Variants in SORCS3 observed in about 807,000 individuals in gnomAD.
The protein encoded by SORCS3 is sortilin related VPS10 domain containing receptor 3.
A neutral mutation model predicts 146.3 loss-of-function variants in SORCS3; 57 were observed. The ratio of observed to expected loss-of-function variants is 0.39; its 90% confidence interval spans 0.31 to 0.49. SORCS3 has a LOEUF of 0.49. Among genes scored for constraint, SORCS3 ranks in the 20% least tolerant of loss-of-function variants. The probability of loss-of-function intolerance (pLI) is 0.92; values close to 1 mark genes in which losing one functional copy is unlikely to be tolerated. For missense variants in SORCS3, 1,341 were observed against 1,575.5 expected (o/e 0.85, Z 2.52); for synonymous variants, 653 against 618.5 (o/e 1.06, Z -0.83).
intron 10 of SORCS3, among the ~76,000 whole-genome samples, chr10:105,158,167 T>C (rs1177561507): frequency 2.0e-5 from 3 of 152,316 alleles, no homozygotes; most frequent in Non-Finnish European, 2.9e-5. Flanking sequence ...ATTTTTTTTT[T>C]CCTCAAACCT....
chr10:104,859,614 C>A (rs545125090), intron 2 of SORCS3, among the ~76,000 whole-genome samples: 50 of 152,232 alleles, frequency 3.3e-4, no homozygotes, highest in African/African-American at 1.2e-3. Flanking sequence ...AAGAAACTAC[C>A]ATCATAGTGA....
intron 5 of SORCS3, among the ~76,000 whole-genome samples, chr10:105,085,390 T>C (rs2055653722): frequency 6.6e-6 from 1 of 152,208 alleles, no homozygotes; most frequent in South Asian, 2.1e-4. Flanking sequence ...ACTATACCTC[T>C]GGCCAGCTGA....
At chr10:104,959,408 T>C (rs1302156207) in intron 3 of SORCS3, among the ~76,000 whole-genome samples, 3 of 152,078 alleles carry the variant, frequency 2.0e-5, no homozygotes, top group Non-Finnish European at 2.9e-5. Flanking sequence ...CAGAGAACTC[T>C]CTCTCCTCAT....
chr10:104,996,807 T>C (rs533210395), intron 4 of SORCS3, among the ~76,000 whole-genome samples: 77 of 152,048 alleles, frequency 5.1e-4, no homozygotes, highest in Non-Finnish European at 3.2e-4. Flanking sequence ...TAAGACTTAA[T>C]AATAGAAAAA....
At chr10:104,653,766 A>G (rs1019928702) in intron 1 of SORCS3, among the ~76,000 whole-genome samples, 1 of 152,150 alleles carries the variant, frequency 6.6e-6, no homozygotes, top group Non-Finnish European at 1.5e-5. Context: ...GGAAGATGGG[A>G]TATCTATCCA....
intron 2 of SORCS3, among the ~76,000 whole-genome samples, chr10:104,844,547 G>C (rs1276372554): frequency 6.6e-6 from 1 of 152,150 alleles, no homozygotes; most frequent in East Asian, 1.9e-4. Context: ...TGTACCAAGA[G>C]ACACTATATA....
At chr10:104,687,436 T>G (rs959168775) in intron 1 of SORCS3, among the ~76,000 whole-genome samples, 4 of 152,192 alleles carry the variant, frequency 2.6e-5, no homozygotes, top group African/African-American at 9.7e-5. Flanking sequence ...GAGCAACATC[T>G]TTATTCTCTA....
intron 25 of SORCS3, among the ~76,000 whole-genome samples, chr10:105,259,902 A>T (rs2056951131): frequency 6.6e-6 from 1 of 152,040 alleles, no homozygotes; most frequent in Non-Finnish European, 1.5e-5. Flanking sequence ...TCTTATTTAA[A>T]CCTGTATGAA....
chr10:104,838,710 G>A (rs569896430), intron 1 of SORCS3, among the ~76,000 whole-genome samples: 1 of 152,250 alleles, frequency 6.6e-6, no homozygotes, highest in South Asian at 2.1e-4. Flanking sequence ...ATCTCACCGT[G>A]GTGGGGTGGG....
At chr10:105,216,672 A>G (rs2056666818) in intron 18 of SORCS3, among the ~76,000 whole-genome samples, 2 of 152,186 alleles carry the variant, frequency 1.3e-5, no homozygotes. Context: ...AGAACTTTAC[A>G]GAGGGTCTAC....
At chr10:105,154,787 A>G (rs1185397215) in intron 9 of SORCS3, among the ~76,000 whole-genome samples, 3 of 152,210 alleles carry the variant, frequency 2.0e-5, no homozygotes. Context: ...ATATATGGGT[A>G]TGAGTCTACT....
At chr10:104,830,542 T>A (rs1290822627) in intron 1 of SORCS3, among the ~76,000 whole-genome samples, 1 of 152,182 alleles carries the variant, frequency 6.6e-6, no homozygotes, top group Non-Finnish European at 1.5e-5. Flanking sequence ...TGATGTGTTG[T>A]CACATCAGAA....
intron 1 of SORCS3, among the ~76,000 whole-genome samples, chr10:104,727,700 G>T (rs2016654790): frequency 6.6e-6 from 1 of 152,026 alleles, no homozygotes; most frequent in Non-Finnish European, 1.5e-5. Flanking sequence ...ATCAGTCCGT[G>T]GCCTGTTAGG....
chr10:105,084,912 A>G (rs911521176), intron 5 of SORCS3, among the ~76,000 whole-genome samples: 5 of 151,850 alleles, frequency 3.3e-5, no homozygotes, highest in African/African-American at 4.8e-5. Context: ...GTATTTTTTT[A>G]GTAGAGACGG....
intron 1 of SORCS3, among the ~76,000 whole-genome samples, chr10:104,824,533 C>G (rs1405847359): frequency 6.6e-6 from 1 of 152,156 alleles, no homozygotes; most frequent in East Asian, 1.9e-4. Context: ...GATGAATGCC[C>G]AATCATGAGT....
At chr10:104,709,493 TA>T (rs1360943833) in intron 1 of SORCS3, among the ~76,000 whole-genome samples, 1 of 152,248 alleles carries the variant, frequency 6.6e-6, no homozygotes, top group Non-Finnish European at 1.5e-5. Flanking sequence ...TGCTAATATT[TA>T]ACATCATTCA....
intron 2 of SORCS3, 125 bp from the exon 3 acceptor site, chr10:104,915,708 T>G: frequency 1.3e-6 from 1 of 749,642 alleles, no homozygotes; most frequent in South Asian, 1.6e-5. Context: ...TTTTTATCTC[T>G]GAAGCACTCA....
intron 1 of SORCS3, among the ~76,000 whole-genome samples, chr10:104,675,394 CT>C (rs2133260553): frequency 6.6e-6 from 1 of 152,148 alleles, no homozygotes; most frequent in South Asian, 2.1e-4. Flanking sequence ...ACAGTCTGTT[CT>C]TAATTTTAAT....
At chr10:104,968,182 C>T (rs2054837414) in intron 3 of SORCS3, among the ~76,000 whole-genome samples, 1 of 152,188 alleles carries the variant, frequency 6.6e-6, no homozygotes, top group Non-Finnish European at 1.5e-5. Context: ...ATGGTGCAAT[C>T]TCGGCTCACT....
Sources: allele counts gnomAD v4.1 joint callset (sites outside exome capture counted in the v4.1 genomes callset), GRCh38; gene constraint gnomAD v4.1.1; transcripts MANE v1.5; gene names NCBI Gene and HGNC (gene_info 2026-07-23, HGNC 2026-07-21).